The following MTA3 variants were observed in gnomAD, a reference collection of about 807,000 sequenced individuals.
The protein encoded by MTA3 is metastasis associated 1 family member 3, also known as metastasis-associated protein MTA3.
In MTA3, 34 loss-of-function variants were observed where a neutral mutation model predicts 83.5. The observed-to-expected ratio is 0.41, with a 90% CI of 0.31 to 0.54. The LOEUF is 0.54. Among genes scored for constraint, MTA3 ranks in the 20% least tolerant of loss-of-function variants. The probability of loss-of-function intolerance (pLI) is 0.33; values close to 1 mark genes in which losing one functional copy is unlikely to be tolerated. For missense variants in MTA3, 761 were observed against 726.4 expected (o/e 1.05, Z -0.55); for synonymous variants, 303 against 252.7 (o/e 1.20, Z -1.89).
chr2:42,618,834 C>G (rs1685213234), intron 4 of MTA3, among the ~76,000 whole-genome samples: 1 of 152,124 alleles, frequency 6.6e-6, no homozygotes, highest in African/African-American at 2.4e-5. Context: ...TGGCCTCAAA[C>G]TCCTGTCCTA....
chr2:42,619,230 T>C (rs1251104866), intron 4 of MTA3, among the ~76,000 whole-genome samples: 1 of 152,200 alleles, frequency 6.6e-6, no homozygotes, highest in African/African-American at 2.4e-5. Flanking sequence ...AGAATGGAAG[T>C]TGAGTAAGCA....
rs577419180 is a variant in MTA3 at position 42,551,187 on chromosome 2, T to G, written c.-140-19250T>G. ...GATCAGTGAATATTTCTTTTTTTTT[T>G]TTGTTTGTTTGTTTGTTTTTTGAGA... On this transcript the variant is annotated intron_variant, in intron 2 of 17. Transcript: ENST00000405592. Among the ~76,000 whole-genome samples, 13 of 151,962 alleles carry G rather than the reference T, an allele frequency of 8.6e-5. No individual in the cohort carries two copies. The South Asian group carries it at 2.7e-3, about 32-fold the overall frequency.
At chr2:42,537,140 C>T (rs1676282781) in intron 2 of MTA3, among the ~76,000 whole-genome samples, 1 of 152,198 alleles carries the variant, frequency 6.6e-6, no homozygotes. Context: ...CCTGTTAGGA[C>T]TCTGTAAACT....
intron 2 of MTA3, among the ~76,000 whole-genome samples, chr2:42,555,737 C>T (rs1235400016): frequency 4.0e-5 from 6 of 151,580 alleles, no homozygotes; most frequent in African/African-American, 1.5e-4. Context: ...TACTGCATTC[C>T]AGCCTGCGCA....
intron 2 of MTA3, among the ~76,000 whole-genome samples, chr2:42,572,168 A>T (rs951396277): frequency 6.6e-6 from 1 of 151,946 alleles, no homozygotes; most frequent in African/African-American, 2.4e-5. Flanking sequence ...AGTCTCAGCT[A>T]CTTGGGAGGC....
chr2:42,755,659 C>T lies in MTA3; in HGVS notation c.*2260C>T. 3 of 985,536 alleles carry T rather than the reference C, an allele frequency of 3.0e-6. No homozygotes were observed. The highest frequency in any genetic ancestry group is 3.6e-6 in the Non-Finnish European group (3 of 830,004). 61.0% of individuals were successfully genotyped at this position (985,536 alleles called of 1,614,324 possible). ...CAATGGAGGAAGGGTGCCGAGGCGC[C>T]TCTAGTCTGTGCCTTTGCCGTTGGA... On this transcript the variant is annotated 3_prime_UTR_variant, in exon 17 of 17. Coordinates refer to ENST00000405094, the MANE Select transcript of MTA3 (RefSeq NM_001330442.2).
chr2:42,753,254 C>A, intron 16 of MTA3, 120 bp from the exon 17 acceptor site: 1 of 1,512,738 alleles, frequency 6.6e-7, no homozygotes, highest in South Asian at 1.3e-5. Flanking sequence ...CTTTGACCTA[C>A]TGCTGAGCCT....
intron 16 of MTA3, among the ~76,000 whole-genome samples, chr2:42,749,320 A>G (rs1573850948): frequency 1.3e-5 from 2 of 152,314 alleles, no homozygotes; most frequent in East Asian, 1.9e-4. Flanking sequence ...GAATGTGCTC[A>G]TGGGGAAAGA....
chr2:42,545,098 C>A (rs1393396166), intron 2 of MTA3, among the ~76,000 whole-genome samples: 1 of 152,160 alleles, frequency 6.6e-6, no homozygotes, highest in Non-Finnish European at 1.5e-5. Context: ...TGAATCCCAA[C>A]CAGGCGTGGT....
chr2:42,739,466 T>G (rs1243302345), intron 16 of MTA3, among the ~76,000 whole-genome samples: 1 of 149,654 alleles, frequency 6.7e-6, no homozygotes, highest in Non-Finnish European at 1.5e-5. Flanking sequence ...AAAAAGCTAA[T>G]GATCATCTGA....
intron 2 of MTA3, among the ~76,000 whole-genome samples, chr2:42,549,913 T>C (rs1677039214): frequency 1.3e-5 from 2 of 151,418 alleles, no homozygotes; most frequent in African/African-American, 4.9e-5. Flanking sequence ...ATCCAGGCTG[T>C]ACCTGCTCAT....
rs1453660021 is a variant in MTA3, at chr2:42,561,610, A to G, written c.-140-8827A>G. On this transcript the variant is annotated intron_variant, in intron 2 of 17. Transcript: ENST00000405592. The stretch of plus-strand genomic sequence containing the variant: ...AGTGCTGGGATTACAGGCGTGAGCC[A>G]CCGAGCCCGGCCCCAGGTGTCCTTT... Among the ~76,000 whole-genome samples the G allele has an allele frequency of 4.6e-5, 7 of 152,152 alleles. No homozygotes were observed. The East Asian group carries it at 1.4e-3, about 29-fold the overall frequency.
intron 6 of MTA3, among the ~76,000 whole-genome samples, chr2:42,645,931 A>T (rs760536649): frequency 7.2e-5 from 11 of 152,254 alleles, no homozygotes; most frequent in Non-Finnish European, 1.2e-4. Context: ...AGAAGATGCC[A>T]TCTAGGACTT....
chr2:42,556,560 G>A (rs914974997), intron 2 of MTA3, among the ~76,000 whole-genome samples: 8 of 152,144 alleles, frequency 5.3e-5, no homozygotes, highest in Non-Finnish European at 1.0e-4. Flanking sequence ...ACATGCCACT[G>A]GCCGGGAGTC....
intron 2 of MTA3, among the ~76,000 whole-genome samples, chr2:42,562,021 G>A (rs528037202): frequency 6.6e-6 from 1 of 152,206 alleles, no homozygotes; most frequent in Non-Finnish European, 1.5e-5. Context: ...GTCTCTGGGG[G>A]ACAATCCATC....
Position 42,609,494 on chromosome 2 carries a change from C to G in MTA3, c.227C>G (p.Ala76Gly). ...IEEESETTVEADLTDKQKHQL... is the reference protein window; with the variant it reads ...IEEESETTVEGDLTDKQKHQL... ...GAAGAATCTGAAACAACAGTTGAGG[C>G]TGACTTGACCGATAAGCAGAAACAT... The change falls in exon 4 of 17, where the codon GCT becomes GGT. Residue 76 changes from alanine (A) to glycine (G), a missense_variant. Coordinates refer to ENST00000405094, the MANE Select transcript of MTA3 (RefSeq NM_001330442.2). 6.2e-7 allele frequency: 1 copy of G among 1,613,866 alleles called. No individual in the cohort carries two copies. Among genetic ancestry groups the G allele is most frequent in the Non-Finnish European group, 8.5e-7 (1 of 1,179,832 alleles).
intron 3 of MTA3, among the ~76,000 whole-genome samples, chr2:42,581,113 G>A (rs988636613): frequency 8.6e-5 from 13 of 152,014 alleles, no homozygotes; most frequent in Non-Finnish European, 1.5e-4. Context: ...TTCTGTTTCT[G>A]TATAGAAAGT....
intron 2 of MTA3, among the ~76,000 whole-genome samples, chr2:42,499,269 G>C (rs1466723861): frequency 6.6e-6 from 1 of 151,522 alleles, no homozygotes; most frequent in Admixed American, 6.6e-5. Context: ...CCAGGTTCAA[G>C]CGATTCTCCT....
intron 11 of MTA3, among the ~76,000 whole-genome samples, chr2:42,698,959 A>G (rs374047602): frequency 4.6e-5 from 7 of 152,208 alleles, no homozygotes; most frequent in African/African-American, 1.7e-4. Flanking sequence ...CTCAAATAAA[A>G]TACTGTTGCA....
Sources: allele counts gnomAD v4.1 joint callset (sites outside exome capture counted in the v4.1 genomes callset), GRCh38; gene constraint gnomAD v4.1.1; transcripts MANE v1.5; gene names NCBI Gene and HGNC (gene_info 2026-07-23, HGNC 2026-07-21).